NYAP2: variants seen among roughly 807,000 people sequenced by gnomAD.
NYAP2 encodes neuronal tyrosine-phosphorylated phosphoinositide-3-kinase adaptor 2, also known as neuronal tyrosine-phosphorylated phosphoinositide-3-kinase adapter 2.
Under a neutral mutation model 50.4 loss-of-function variants are expected in NYAP2, and 23 were observed. That is an observed-to-expected ratio of 0.46 (90% confidence interval 0.33 to 0.65). The LOEUF is 0.65. Ranked by LOEUF, NYAP2 falls within the 30% of genes least tolerant of loss-of-function variation. NYAP2 has a pLI of 0.02. For synonymous variants in NYAP2, 394 were observed against 365.2 expected, an observed-to-expected ratio of 1.08 and a Z score of -0.90; for missense variants, 885 against 861.0, an observed-to-expected ratio of 1.03 and a Z score of -0.35.
chr2:225,561,240 T>C (rs1294102648), intron 4 of NYAP2, among the ~76,000 whole-genome samples: 2 of 152,064 alleles, frequency 1.3e-5, no homozygotes, highest in African/African-American at 2.4e-5. Context: ...TGAGGTGATA[T>C]TTGACCTGAA....
intron 3 of NYAP2, among the ~76,000 whole-genome samples, chr2:225,464,729 A>G (rs1274495635): frequency 6.6e-6 from 1 of 152,242 alleles, no homozygotes; most frequent in Non-Finnish European, 1.5e-5. Context: ...AGATTAAAGT[A>G]TATCTTTCCA....
At chr2:225,673,754 A>C in the NYAP2 span, among the ~76,000 whole-genome samples, 10 of 152,268 alleles carry the variant, frequency 6.6e-5, no homozygotes, top group South Asian at 2.1e-3. Flanking sequence ...CAGAAAGCTC[A>C]GTCTTCTTTG....
intron 5 of NYAP2, among the ~76,000 whole-genome samples, chr2:225,597,835 A>G (rs552019009): frequency 2.6e-5 from 4 of 152,020 alleles, no homozygotes; most frequent in South Asian, 2.1e-4. Context: ...CTATGCAACT[A>G]TAAAGGGTGA....
chr2:225,491,369 G>T (rs1690405184), intron 3 of NYAP2, among the ~76,000 whole-genome samples: 1 of 151,868 alleles, frequency 6.6e-6, no homozygotes, highest in South Asian at 2.1e-4. Context: ...TAGGCTTCTG[G>T]GTCCTACCAC....
chr2:225,637,543 T>C (rs1207195616), intron 6 of NYAP2, among the ~76,000 whole-genome samples: 1 of 152,176 alleles, frequency 6.6e-6, no homozygotes, highest in Admixed American at 6.5e-5. Context: ...TTTGCCAGGT[T>C]CTGCTGCCTG....
chr2:225,667,622 C>T, the NYAP2 span, among the ~76,000 whole-genome samples: 8 of 152,224 alleles, frequency 5.3e-5, no homozygotes, highest in African/African-American at 1.7e-4. Context: ...AATTCTGATT[C>T]CCTGAGATCA....
downstream of NYAP2, among the ~76,000 whole-genome samples, chr2:225,655,885 T>TACACACACACACACACACACACACAC (rs372646871): frequency 8.3e-6 from 1 of 121,146 alleles, no homozygotes; most frequent in Admixed American, 9.2e-5. Flanking sequence ...CAACCTCCAC[T>TACACACACACACACACACACACACAC]ACACACACAC....
At chr2:225,459,799 A>T (rs1442361296) in intron 3 of NYAP2, among the ~76,000 whole-genome samples, 2 of 151,908 alleles carry the variant, frequency 1.3e-5, no homozygotes, top group African/African-American at 2.4e-5. Context: ...CAGCCTCCCA[A>T]GTAGCTGGGA....
At chr2:225,409,208 G>T (rs143776258) in intron 3 of NYAP2, 107 bp downstream of exon 3, 11,988 of 772,816 alleles carry the variant, frequency 0.016, 138 homozygotes, top group Non-Finnish European at 0.019. Flanking sequence ...TCCAGAGTCA[G>T]TTAGACTTGG....
chr2:225,662,027 A>G, the NYAP2 span, among the ~76,000 whole-genome samples: 1 of 152,132 alleles, frequency 6.6e-6, no homozygotes, highest in Non-Finnish European at 1.5e-5. Flanking sequence ...CCTGCCCCTG[A>G]ATTTGCTCCC....
chr2:225,662,820 G>C, the NYAP2 span, among the ~76,000 whole-genome samples: 30,427 of 152,114 alleles, frequency 0.2, 3,429 homozygotes, highest in African/African-American at 0.3. Flanking sequence ...TTCAAGGAAC[G>C]ATCTAGGAAG....
At chr2:225,698,048 T>C in the NYAP2 span, among the ~76,000 whole-genome samples, 3 of 151,654 alleles carry the variant, frequency 2.0e-5, no homozygotes, top group African/African-American at 7.3e-5. Context: ...CATGGTGGTA[T>C]ATGCTTGTAG....
At chr2:225,681,427 T>C in the NYAP2 span, among the ~76,000 whole-genome samples, 2 of 152,176 alleles carry the variant, frequency 1.3e-5, no homozygotes, top group Admixed American at 1.3e-4. Flanking sequence ...CAAAAGCAGA[T>C]GGAGTGATCA....
chr2:225,682,735 C>T, the NYAP2 span, among the ~76,000 whole-genome samples: 1 of 152,022 alleles, frequency 6.6e-6, no homozygotes, highest in South Asian at 2.1e-4. Flanking sequence ...GGAATGAGAC[C>T]TAGGAGTCTT....
chr2:225,545,863 T>C (rs1173933845), intron 4 of NYAP2, among the ~76,000 whole-genome samples: 6 of 152,164 alleles, frequency 3.9e-5, no homozygotes, highest in Admixed American at 3.9e-4. Flanking sequence ...TTGAAGGGAT[T>C]TGGACATTGT....
In NYAP2 at chr2:225,417,330, T is replaced by A. The variant is rs909402654; in HGVS notation, c.221+8229T>A. Reference sequence around the variant, plus strand: ...ATGTCTTCATTATACATGTGTGGGTTACCTTAAAATTAATTTTAATCATGA... The same window carrying A: ...ATGTCTTCATTATACATGTGTGGGTAACCTTAAAATTAATTTTAATCATGA... On this transcript the variant is annotated intron_variant, in intron 3 of 6. Transcript: ENST00000636099. Among the ~76,000 whole-genome samples the A allele has an allele frequency of 7.9e-5, 12 of 152,194 alleles. 1 individual carries two copies. In the East Asian group the frequency reaches 9.7e-4, roughly 12 times the overall value.
chr2:225,579,518 T>C (rs1420048572), intron 4 of NYAP2, among the ~76,000 whole-genome samples: 1 of 152,260 alleles, frequency 6.6e-6, no homozygotes, highest in East Asian at 1.9e-4. Flanking sequence ...AGAGGGGCTT[T>C]ATTTCATTTT....
At chr2:225,618,010 A>G (rs1693018772) in intron 5 of NYAP2, among the ~76,000 whole-genome samples, 1 of 152,240 alleles carries the variant, frequency 6.6e-6, no homozygotes, top group East Asian at 1.9e-4. Flanking sequence ...GCAACAAGAT[A>G]TATAAACAAC....
At chr2:225,415,700 T>C (rs1339785550) in intron 3 of NYAP2, among the ~76,000 whole-genome samples, 1 of 152,170 alleles carries the variant, frequency 6.6e-6, no homozygotes, top group African/African-American at 2.4e-5. Context: ...AGATACCCTA[T>C]TTCTACATGA....
Sources: gnomAD v4.1 joint callset for allele counts (sites outside exome capture counted in the v4.1 genomes callset) on GRCh38, gnomAD v4.1.1 for gene constraint, MANE v1.5 for transcripts, NCBI Gene and HGNC (gene_info 2026-07-23, HGNC 2026-07-21) for gene names.